CLASP1: variants seen among roughly 807,000 people sequenced by gnomAD.
CLASP1 encodes cytoplasmic linker associated protein 1, also known as CLIP-associating protein 1.
CLASP1 carries 38 observed loss-of-function variants against 192.3 expected under a neutral mutation model. The observed-to-expected ratio is 0.20, with a 90% CI of 0.15 to 0.26. The LOEUF is 0.26. Among genes scored for constraint, CLASP1 ranks in the 10% least tolerant of loss-of-function variants. CLASP1 has a pLI of 1.00. For missense variants in CLASP1, 1,433 were observed against 1,932.5 expected, an observed-to-expected ratio of 0.74 and a Z score of 4.85; for synonymous variants, 691 against 712.8, an observed-to-expected ratio of 0.97 and a Z score of 0.49.
chr2:121,577,421 A>C (rs1433180899), intron 2 of CLASP1, among the ~76,000 whole-genome samples: 3 of 152,230 alleles, frequency 2.0e-5, no homozygotes, highest in Non-Finnish European at 4.4e-5. Context: ...TTTCAACAAG[A>C]AAACCTATCT....
chr2:121,448,220 G>T, intron 18 of CLASP1, 56 bp downstream of exon 18: 1 of 1,486,270 alleles, frequency 6.7e-7, no homozygotes, highest in Non-Finnish European at 9.4e-7. Flanking sequence ...TCTTGCAGCT[G>T]CACGTACAGC....
intron 6 of CLASP1, among the ~76,000 whole-genome samples, chr2:121,524,795 C>A (rs1042666538): frequency 1.3e-5 from 2 of 151,930 alleles, no homozygotes; most frequent in African/African-American, 4.8e-5. Context: ...TGAAAAAGGG[C>A]GTGAGTGGAA....
At chr2:121,545,184 G>C (rs1175848623) in intron 2 of CLASP1, among the ~76,000 whole-genome samples, 2 of 152,092 alleles carry the variant, frequency 1.3e-5, no homozygotes, top group Non-Finnish European at 2.9e-5. Flanking sequence ...AAAGTGTTGG[G>C]ATTACAGGTG....
chr2:121,453,129 AT>A (rs1451640028), intron 14 of CLASP1, among the ~76,000 whole-genome samples: 2 of 152,034 alleles, frequency 1.3e-5, no homozygotes, highest in African/African-American at 2.4e-5. Flanking sequence ...TCTACAAAAA[AT>A]TTTTTTAAAA....
intron 2 of CLASP1, among the ~76,000 whole-genome samples, chr2:121,546,874 T>A (rs1217053334): frequency 1.3e-5 from 2 of 152,144 alleles, no homozygotes; most frequent in Non-Finnish European, 2.9e-5. Flanking sequence ...AGGTCCCTGA[T>A]CCCATTCCTC....
At chr2:121,586,769 G>A (rs1019489544) in intron 2 of CLASP1, among the ~76,000 whole-genome samples, 6 of 152,180 alleles carry the variant, frequency 3.9e-5, no homozygotes, top group African/African-American at 1.2e-4. Context: ...AGAGCTGCAC[G>A]TTGAAGCCCC....
intron 17 of CLASP1, 112 bp downstream of exon 17, chr2:121,448,841 G>A (rs1278767503): frequency 9.8e-7 from 1 of 1,016,992 alleles, no homozygotes; most frequent in African/African-American, 1.6e-5. Flanking sequence ...TCAAGTAAGG[G>A]GGCGTTTTAA....
At chr2:121,583,532 A>G (rs1393892321) in intron 2 of CLASP1, among the ~76,000 whole-genome samples, 4 of 152,166 alleles carry the variant, frequency 2.6e-5, no homozygotes, top group African/African-American at 9.7e-5. Context: ...TACAATCCCC[A>G]CTGCCACTTA....
chr2:121,582,403 TGGAA>T (rs1218244699), intron 2 of CLASP1, among the ~76,000 whole-genome samples: 2 of 116,026 alleles, frequency 1.7e-5, no homozygotes, highest in Non-Finnish European at 3.4e-5. Context: ...GATGAATGGA[TGGAA>T]GGAAGGAAGG....
chr2:121,576,550 G>A (rs1238924132), intron 2 of CLASP1, among the ~76,000 whole-genome samples: 1 of 152,106 alleles, frequency 6.6e-6, no homozygotes, highest in Non-Finnish European at 1.5e-5. Context: ...TCTCCAAGGA[G>A]CCCCAATTCC....
At chr2:121,474,106 T>C (rs1225033644) in intron 8 of CLASP1, among the ~76,000 whole-genome samples, 3 of 152,232 alleles carry the variant, frequency 2.0e-5, no homozygotes, top group Non-Finnish European at 2.9e-5. Context: ...ATCATTTCTA[T>C]AAAAGATGAC....
intron 30 of CLASP1, among the ~76,000 whole-genome samples, chr2:121,395,928 A>G (rs1250140184): frequency 3.9e-5 from 6 of 152,216 alleles, no homozygotes; most frequent in Admixed American, 2.0e-4. Flanking sequence ...GATCAAGACT[A>G]TATCAGTAGT....
In CLASP1 at chr2:121,530,952, C is replaced by T. The variant is rs549662600; in HGVS notation, c.196-627G>A. On this transcript the variant is annotated intron_variant, in intron 2 of 39. Coordinates refer to ENST00000263710, the Ensembl canonical transcript of CLASP1. The stretch of plus-strand genomic sequence containing the variant: ...GAGGGCAGTACTGCTAACGCCTGAA[C>T]AACACACCCGCATCAACTAGAGCTT... 1.1e-4 allele frequency: 76 copies of T among 700,418 alleles called. No homozygotes were observed. Among genetic ancestry groups the T allele is most frequent in the South Asian group, 5.0e-4 (34 of 67,506 alleles). 43.4% of individuals were successfully genotyped at this position (700,418 alleles called of 1,614,324 possible). A position where few individuals can be genotyped will look rare whatever the true frequency, so the allele number is the denominator to read the frequency against.
At chr2:121,496,266 T>C (rs971427829) in intron 8 of CLASP1, among the ~76,000 whole-genome samples, 3 of 152,238 alleles carry the variant, frequency 2.0e-5, no homozygotes, top group Non-Finnish European at 4.4e-5. Flanking sequence ...GATCATTTAA[T>C]AGACACCCTT....
intron 1 of CLASP1, among the ~76,000 whole-genome samples, chr2:121,625,662 G>A (rs1457167486): frequency 6.6e-6 from 1 of 151,742 alleles, no homozygotes; most frequent in Non-Finnish European, 1.5e-5. Context: ...TTGAACTCCT[G>A]ACCTCAGGTG....
At chr2:121,354,464 G>A (rs2065045182) in intron 37 of CLASP1, among the ~76,000 whole-genome samples, 1 of 152,200 alleles carries the variant, frequency 6.6e-6, no homozygotes, top group African/African-American at 2.4e-5. Flanking sequence ...GGAAAGCCAA[G>A]CACGTGGCTG....
intron 8 of CLASP1, among the ~76,000 whole-genome samples, chr2:121,489,426 C>T (rs1354389790): frequency 6.6e-6 from 1 of 152,166 alleles, no homozygotes; most frequent in East Asian, 1.9e-4. Flanking sequence ...TGCCCAATTC[C>T]CCACAGCAGG....
At chr2:121,621,453 T>C (rs2067335057) in intron 1 of CLASP1, among the ~76,000 whole-genome samples, 1 of 152,186 alleles carries the variant, frequency 6.6e-6, no homozygotes, top group African/African-American at 2.4e-5. Context: ...TTGTTTCAGA[T>C]CTTACATTTA....
At chr2:121,490,217 C>T in intron 8 of CLASP1, 1 of 414,792 alleles carries the variant, frequency 2.4e-6, no homozygotes, top group South Asian at 1.8e-5. Context: ...TTAAGCATTT[C>T]CTAGCCAAGC....
Sources: gnomAD v4.1 joint callset for allele counts (sites outside exome capture counted in the v4.1 genomes callset) on GRCh38, gnomAD v4.1.1 for gene constraint, MANE v1.5 for transcripts, NCBI Gene and HGNC (gene_info 2026-07-23, HGNC 2026-07-21) for gene names.